ZNF568: variants seen among roughly 807,000 people sequenced by gnomAD.
ZNF568 encodes zinc finger protein 568, also known as p53 inhibitor of SCO2 activation.
A neutral mutation model predicts 18.1 loss-of-function variants in ZNF568; 11 were observed. The ratio of observed to expected loss-of-function variants is 0.61; its 90% CI spans 0.38 to 1.00. ZNF568 has a LOEUF of 1.00. Ranked by LOEUF, ZNF568 falls within the 50% of genes least tolerant of loss-of-function variation. ZNF568 has a pLI of 0.01. For synonymous variants in ZNF568, 213 were observed against 246.6 expected (o/e 0.86, Z 1.28); for missense variants, 639 against 768.2 (o/e 0.83, Z 1.99).
intron 6 of ZNF568, among the ~76,000 whole-genome samples, chr19:36,968,943 C>A (rs2074215699): frequency 6.6e-6 from 1 of 151,210 alleles, no homozygotes. Flanking sequence ...GCAACCTCCG[C>A]CTCCTAGGTT....
intron 6 of ZNF568, among the ~76,000 whole-genome samples, chr19:36,959,220 G>C (rs2074130306): frequency 6.6e-6 from 1 of 152,068 alleles, no homozygotes; most frequent in Non-Finnish European, 1.5e-5. Context: ...AGTTTTTATT[G>C]TGAAAGCATG....
intron 6 of ZNF568, among the ~76,000 whole-genome samples, chr19:36,967,424 A>C (rs577292884): frequency 3.3e-5 from 5 of 152,232 alleles, no homozygotes; most frequent in East Asian, 1.9e-4. Flanking sequence ...TTAGCTGGGC[A>C]TGGTGGCAGG....
chr19:36,975,756 CGTGAT>C (rs2074279935), intron 7 of ZNF568, among the ~76,000 whole-genome samples: 1 of 28,606 alleles, frequency 3.5e-5, no homozygotes, highest in Non-Finnish European at 6.8e-5. Context: ...GTGATCTGAG[CGTGAT>C]CTGAGCTCGC....
At chr19:36,978,720 T>C (rs920881316) in intron 7 of ZNF568, among the ~76,000 whole-genome samples, 3 of 152,218 alleles carry the variant, frequency 2.0e-5, no homozygotes, top group African/African-American at 7.2e-5. Flanking sequence ...TGATCCTTCT[T>C]TTCAGCCTCG....
rs766539110 is a variant in ZNF568 at position 36,997,141 on chromosome 19, T to C, written c.1054T>C (p.Cys352Arg). 14 of 1,576,654 alleles carry C rather than the reference T, an allele frequency of 8.9e-6. No homozygotes were observed. The African/African-American group carries it at 1.5e-4, about 17-fold the overall frequency. The change falls in exon 5 of 5, where the codon TGT (cysteine) becomes CGT (arginine). Residue 352 changes from cysteine to arginine, a missense_variant. By Grantham distance (180) the Cys-to-Arg change is radical. Transcript: ENST00000433993. ...TGAAAGACGCTATGAATGCAGGGAG[T>C]GTGGAAAGGTGTACAGTTGTGCCTC...
chr19:36,990,574 C>A (rs2074414996), intron 2 of ZNF568, among the ~76,000 whole-genome samples: 1 of 152,180 alleles, frequency 6.6e-6, no homozygotes, highest in African/African-American at 2.4e-5. Flanking sequence ...GAGATGGTGC[C>A]ACTGTACTCC....
rs774074810 is a variant in ZNF568 at position 36,950,784 on chromosome 19, ATCT to A, written c.1636_1638del (p.Leu546del). On this transcript the variant is annotated inframe_deletion, in exon 7 of 7. Transcript: ENST00000333987. ...GGGAAAGCTTTCAGTCAGAGACAAA[ATCT>A]TCTTGAGCATGAAAAAATTCATACT... 7 of 1,613,618 alleles carry A rather than the reference ATCT, an allele frequency of 4.3e-6. No individual in the cohort carries two copies. In the East Asian group the frequency reaches 6.7e-5, roughly 15 times the overall value.
intron 2 of ZNF568, among the ~76,000 whole-genome samples, chr19:36,920,180 G>C (rs1432794206): frequency 6.7e-6 from 1 of 150,332 alleles, no homozygotes; most frequent in African/African-American, 2.5e-5. Context: ...GGGTGTTTGT[G>C]TCTTAATTTT....
chr19:36,946,722 G>A (rs144597050), intron 6 of ZNF568, among the ~76,000 whole-genome samples: 2,788 of 137,160 alleles, frequency 0.02, 85 homozygotes, highest in African/African-American at 0.068. Context: ...TTGCAATCTC[G>A]GCTCACCACA....
Position 36,925,257 on chromosome 19 carries a change from T to G in ZNF568, c.134T>G (p.Leu45Arg). The change falls in exon 4 of 7, where the codon CTT becomes CGT. Residue 45 changes from leucine (L) to arginine (R), a missense_variant and splice_region_variant. Transcript: ENST00000333987. Reference sequence around the variant, plus strand: ...GAAGAAGAGGATACAACCAGGCCTCTTGTACGTCTTAAGCATTTATTTGTT... The same window carrying G: ...GAAGAAGAGGATACAACCAGGCCTCGTGTACGTCTTAAGCATTTATTTGTT... The part of the protein sequence containing the change: ...SEEEEDTTRP[L>R]ETVTFKDVAV... 3 of 1,613,898 alleles carry G rather than the reference T, an allele frequency of 1.9e-6. No homozygotes were observed. The highest frequency in any genetic ancestry group is 2.5e-6 in the Non-Finnish European group (3 of 1,179,766).
intron 4 of ZNF568, among the ~76,000 whole-genome samples, chr19:36,995,506 A>T (rs747056293): frequency 4.7e-4 from 72 of 151,692 alleles, no homozygotes; most frequent in Non-Finnish European, 8.2e-4. Flanking sequence ...TGCTTAACAA[A>T]CTCTGTAGTG....
At chr19:36,992,257 A>C (rs1467000301) in intron 4 of ZNF568, among the ~76,000 whole-genome samples, 1 of 109,622 alleles carries the variant, frequency 9.1e-6, no homozygotes, top group Non-Finnish European at 1.9e-5. Context: ...AAAAAAAAAA[A>C]AAAAAGGAGG....
chr19:36,995,299 T>C (rs1644691), intron 4 of ZNF568, among the ~76,000 whole-genome samples: 81,143 of 151,828 alleles, frequency 0.53, 22,216 homozygotes, highest in African/African-American at 0.61. Context: ...CTCAGGAGGC[T>C]GAGGCATGAG....
downstream of ZNF568, among the ~76,000 whole-genome samples, chr19:36,983,509 G>A (rs908368915): frequency 2.6e-5 from 4 of 152,090 alleles, no homozygotes; most frequent in African/African-American, 9.7e-5. Context: ...AAGGTCCAGG[G>A]TGGTCAGTTT....
At chr19:36,927,893 ATATATATATATTTTTTTTTTT>A (rs2073601807) in intron 4 of ZNF568, among the ~76,000 whole-genome samples, 6 of 25,328 alleles carry the variant, frequency 2.4e-4, no homozygotes, top group African/African-American at 9.3e-4. Flanking sequence ...TATATTATAT[ATATATATATATTTTTTTTTTT>A]TTTTTTTTTT....
At chr19:36,982,984 C>T (rs1034803023), downstream of ZNF568, among the ~76,000 whole-genome samples, 3 of 152,178 alleles carry the variant, frequency 2.0e-5, no homozygotes, top group Non-Finnish European at 4.4e-5. Flanking sequence ...GAACTGTGGC[C>T]TTGGCCTGTG....
rs75803228 is a variant in ZNF568, at chr19:36,986,633, C to T, written c.10-4543C>T. 3.9e-3 allele frequency among the ~76,000 whole-genome samples: 601 copies of T among 152,168 alleles called. 5 individuals carry two copies. The highest frequency in any genetic ancestry group is 0.014 in the African/African-American group (573 of 41,508). On this transcript the variant is annotated intron_variant, in intron 2 of 4. Coordinates refer to the ZNF568 transcript ENST00000433993. The stretch of plus-strand genomic sequence containing the variant: ...TATGATTGATTTTCTTTTTTTCCCC[C>T]CTCCGTGACTGAGCTTTTTAAGAGG...
intron 6 of ZNF568, among the ~76,000 whole-genome samples, chr19:36,967,977 TGTA>T (rs370602243): frequency 5.9e-5 from 9 of 152,202 alleles, no homozygotes; most frequent in African/African-American, 2.2e-4. Context: ...ACAGTGGTGT[TGTA>T]GTTTCTTGTG....
In ZNF568 at chr19:36,925,906, C is replaced by T. The variant is rs368026142; in HGVS notation, c.135+648C>T. 2.0e-4 allele frequency among the ~76,000 whole-genome samples: 30 copies of T among 152,204 alleles called. 1 individual carries two copies. The South Asian group carries it at 3.3e-3, about 17-fold the overall frequency. On this transcript the variant is annotated intron_variant, in intron 4 of 6. Transcript: ENST00000333987. ...TTGAGCATCAGTGGATTTTGGTATC[C>T]GTGGGGGGTCCTGGAACCAATTCTA... is the stretch of plus-strand genomic sequence containing the variant.
Sources: gnomAD v4.1 joint callset for allele counts (sites outside exome capture counted in the v4.1 genomes callset) on GRCh38, gnomAD v4.1.1 for gene constraint, MANE v1.5 for transcripts, NCBI Gene and HGNC (gene_info 2026-07-23, HGNC 2026-07-21) for gene names.